OR56A3: variants seen among roughly 807,000 people sequenced by gnomAD.
OR56A3 encodes the protein olfactory receptor family 56 subfamily A member 3.
A neutral mutation model predicts 17.5 loss-of-function variants in OR56A3; 23 were observed. That is an observed-to-expected ratio of 1.32 (90% CI 0.95 to 1.87). The LOEUF (loss-of-function observed/expected upper bound fraction) is 1.87. Ranked by LOEUF, OR56A3 falls within the 40% of genes most tolerant of loss-of-function variation. The pLI is 0.00. For missense variants in OR56A3, 366 were observed against 380.1 expected (o/e 0.96, Z 0.31); for synonymous variants, 175 against 150.6 (o/e 1.16, Z -1.19).
chr11:5,995,423 A>C, the OR56A3 span, among the ~76,000 whole-genome samples: 1 of 151,900 alleles, frequency 6.6e-6, no homozygotes, highest in Non-Finnish European at 1.5e-5. Context: ...ACCTCCTTTT[A>C]TTTTCCTTAG....
chr11:5,964,826 A>G, the OR56A3 span, among the ~76,000 whole-genome samples: 38 of 152,326 alleles, frequency 2.5e-4, no homozygotes, highest in African/African-American at 8.2e-4. Flanking sequence ...AGGTCCAAGC[A>G]AAGTCCAATG....
the OR56A3 span, among the ~76,000 whole-genome samples, chr11:5,993,633 T>G: frequency 6.6e-6 from 1 of 152,162 alleles, no homozygotes; most frequent in African/African-American, 2.4e-5. Context: ...TTCCCTATAC[T>G]CTATAGCAGC....
downstream of OR56A3, chr11:5,951,446 G>T (rs1485793100): frequency 1.3e-5 from 2 of 151,914 alleles, no homozygotes; most frequent in African/African-American, 4.8e-5. Context: ...TAGTGAGATT[G>T]TTATAGTATA....
chr11:6,013,248 G>A, the OR56A3 span, among the ~76,000 whole-genome samples: 4 of 152,210 alleles, frequency 2.6e-5, no homozygotes, highest in African/African-American at 4.8e-5. Flanking sequence ...CTGTGGCAGG[G>A]GCTCCAGGCC....
chr11:5,958,676 A>G, the OR56A3 span, among the ~76,000 whole-genome samples: 1 of 152,132 alleles, frequency 6.6e-6, no homozygotes, highest in Non-Finnish European at 1.5e-5. Context: ...AATACAATGT[A>G]TTATATCATT....
At chr11:6,009,968 C>G in the OR56A3 span, among the ~76,000 whole-genome samples, 1 of 152,088 alleles carries the variant, frequency 6.6e-6, no homozygotes, top group African/African-American at 2.4e-5. Flanking sequence ...AACTTTAGCT[C>G]CATTTTATCA....
the OR56A3 span, among the ~76,000 whole-genome samples, chr11:6,004,424 C>A: frequency 7.2e-5 from 11 of 152,258 alleles, no homozygotes; most frequent in African/African-American, 2.4e-4. Flanking sequence ...TGATCTTTCA[C>A]CCCTGTCCCA....
At chr11:5,985,149 C>T in the OR56A3 span, among the ~76,000 whole-genome samples, 2 of 152,044 alleles carry the variant, frequency 1.3e-5, no homozygotes, top group Non-Finnish European at 2.9e-5. Context: ...ACACCGGGAT[C>T]TAGCACATTT....
At chr11:5,994,141 A>T in the OR56A3 span, 2 of 503,266 alleles carry the variant, frequency 4.0e-6, no homozygotes. Flanking sequence ...CTCCAGGTGC[A>T]GCAGGATCCC....
At chr11:5,991,569 CT>C in the OR56A3 span, among the ~76,000 whole-genome samples, 3 of 152,122 alleles carry the variant, frequency 2.0e-5, no homozygotes, top group African/African-American at 7.2e-5. Context: ...AAGCTTAAGA[CT>C]ACTAAGAAGT....
At chr11:6,016,757 C>T in the OR56A3 span, among the ~76,000 whole-genome samples, 1 of 143,984 alleles carries the variant, frequency 6.9e-6, no homozygotes, top group South Asian at 2.2e-4. Context: ...ATAAATAATA[C>T]AAAAAAAAAC....
At chr11:5,986,073 T>C in the OR56A3 span, 5 of 1,613,668 alleles carry the variant, frequency 3.1e-6, no homozygotes, top group South Asian at 2.2e-5. Flanking sequence ...CATGATGGGG[T>C]ACATGATGAC....
chr11:5,994,310 C>T, the OR56A3 span: 11 of 655,554 alleles, frequency 1.7e-5, no homozygotes, highest in East Asian at 6.6e-5. Context: ...CCGACCTTGG[C>T]GGACTGCATG....
chr11:6,003,138 A>C, the OR56A3 span: 1 of 1,566,052 alleles, frequency 6.4e-7, no homozygotes, highest in Non-Finnish European at 8.7e-7. Context: ...TTTTAAAATC[A>C]CTGTCATCAT....
chr11:5,966,928 A>G, the OR56A3 span, among the ~76,000 whole-genome samples: 1 of 151,972 alleles, frequency 6.6e-6, no homozygotes, highest in African/African-American at 2.4e-5. Context: ...ACACATAAAT[A>G]TGAGTCATTT....
chr11:5,986,789 G>A, the OR56A3 span: 29 of 1,613,928 alleles, frequency 1.8e-5, 1 homozygote, highest in South Asian at 2.9e-4. Flanking sequence ...ATGCCCAGGG[G>A]CAGTGCAATC....
chr11:6,019,179 C>T, the OR56A3 span, among the ~76,000 whole-genome samples: 1 of 150,982 alleles, frequency 6.6e-6, no homozygotes, highest in Non-Finnish European at 1.5e-5. Context: ...TTCCTCAAGG[C>T]TACTACTACC....
At chr11:6,000,151 G>A in the OR56A3 span, 1 of 152,192 alleles carries the variant, frequency 6.6e-6, no homozygotes, top group Non-Finnish European at 1.5e-5. Context: ...CTGCTATAAA[G>A]ACACATGCAC....
the OR56A3 span, among the ~76,000 whole-genome samples, chr11:6,016,277 A>G: frequency 6.6e-6 from 1 of 152,228 alleles, no homozygotes; most frequent in East Asian, 1.9e-4. Flanking sequence ...CACCAGAAGC[A>G]GAGGTTGCCA....
Sources: gnomAD v4.1 joint callset for allele counts (sites outside exome capture counted in the v4.1 genomes callset) on GRCh38, gnomAD v4.1.1 for gene constraint, MANE v1.5 for transcripts, NCBI Gene and HGNC (gene_info 2026-07-23, HGNC 2026-07-21) for gene names.